Variants in AGBL4 observed in about 807,000 individuals in gnomAD.
AGBL4 encodes the protein cytosolic carboxypeptidase 6.
In AGBL4, 58 loss-of-function variants were observed where a neutral mutation model predicts 66.4. The observed-to-expected ratio is 0.87, with a 90% CI of 0.71 to 1.09. The LOEUF is 1.09. Among genes scored for constraint, AGBL4 ranks in the 50% least tolerant of loss-of-function variants. The pLI, the probability that AGBL4 is intolerant of heterozygous loss-of-function variation, is 0.00. For synonymous variants in AGBL4, 234 were observed against 222.9 expected (o/e 1.05, Z -0.44); for missense variants, 579 against 631.0 (o/e 0.92, Z 0.88).
At chr1:49,739,477 C>T (rs1390514200) in intron 2 of AGBL4, among the ~76,000 whole-genome samples, 1 of 152,202 alleles carries the variant, frequency 6.6e-6, no homozygotes, top group Non-Finnish European at 1.5e-5. Flanking sequence ...TTGGAAAACA[C>T]TCTGCAGGAT....
chr1:49,149,170 T>C (rs773163223), intron 4 of AGBL4, among the ~76,000 whole-genome samples: 9 of 152,218 alleles, frequency 5.9e-5, no homozygotes, highest in African/African-American at 1.2e-4. Flanking sequence ...TATCCTCTTC[T>C]GCTAAGTAGT....
At chr1:49,691,350 T>C (rs1646882477) in intron 3 of AGBL4, 2 of 152,928 alleles carry the variant, frequency 1.3e-5, no homozygotes, top group Admixed American at 1.3e-4. Flanking sequence ...GGGCTAGCAC[T>C]TGTCCACCAT....
At chr1:49,494,797 A>G (rs887681542) in intron 3 of AGBL4, among the ~76,000 whole-genome samples, 3 of 151,820 alleles carry the variant, frequency 2.0e-5, no homozygotes, top group Admixed American at 6.6e-5. Flanking sequence ...CCCAGTAATG[A>G]GATGGCTGGG....
intron 12 of AGBL4, among the ~76,000 whole-genome samples, chr1:48,537,042 T>G (rs940588736): frequency 7.2e-5 from 11 of 152,228 alleles, no homozygotes; most frequent in South Asian, 2.1e-4. Flanking sequence ...AAACAAAGAT[T>G]AGTTTTGAGT....
intron 6 of AGBL4, among the ~76,000 whole-genome samples, chr1:48,798,111 C>T (rs916564254): frequency 2.6e-5 from 4 of 152,066 alleles, no homozygotes; most frequent in South Asian, 2.1e-4. Flanking sequence ...TAAAAGTGTC[C>T]TCTTTTTACC....
chr1:49,241,777 A>G (rs1651260416), intron 4 of AGBL4, among the ~76,000 whole-genome samples: 1 of 152,070 alleles, frequency 6.6e-6, no homozygotes, highest in Non-Finnish European at 1.5e-5. Context: ...GAAAGGAGAA[A>G]AACAGGACAT....
chr1:49,078,331 C>G (rs1311821842), intron 4 of AGBL4, among the ~76,000 whole-genome samples: 1 of 152,146 alleles, frequency 6.6e-6, no homozygotes, highest in Non-Finnish European at 1.5e-5. Flanking sequence ...TCACGTTGCA[C>G]ATTTCCCATG....
At chr1:49,106,462 T>C (rs1361838801) in intron 4 of AGBL4, among the ~76,000 whole-genome samples, 2 of 152,318 alleles carry the variant, frequency 1.3e-5, no homozygotes, top group African/African-American at 2.4e-5. Flanking sequence ...ACTGCTTGGA[T>C]GGCTACTGAA....
the AGBL4 span, among the ~76,000 whole-genome samples, chr1:48,524,089 G>A: frequency 1.4e-3 from 207 of 152,302 alleles, 3 homozygotes; most frequent in East Asian, 0.038. Flanking sequence ...TTTCACAGCT[G>A]TGTGCCCTTC....
intron 3 of AGBL4, among the ~76,000 whole-genome samples, chr1:49,488,213 C>T (rs1003230046): frequency 6.6e-5 from 10 of 151,562 alleles, no homozygotes; most frequent in African/African-American, 2.4e-4. Context: ...ATCACCTCTC[C>T]CCAGAAAACC....
At chr1:48,678,564 C>G (rs1271588903) in intron 6 of AGBL4, among the ~76,000 whole-genome samples, 1 of 152,184 alleles carries the variant, frequency 6.6e-6, no homozygotes, top group African/African-American at 2.4e-5. Flanking sequence ...CACACATGCC[C>G]TCTTTTGGCA....
At chr1:49,716,384 G>A (rs552122557) in intron 2 of AGBL4, among the ~76,000 whole-genome samples, 11 of 152,192 alleles carry the variant, frequency 7.2e-5, no homozygotes, top group South Asian at 4.1e-4. Flanking sequence ...GTCAGGTAGC[G>A]TGGTGCCTCC....
chr1:49,887,618 C>T (rs545754746), intron 1 of AGBL4, among the ~76,000 whole-genome samples: 1 of 151,830 alleles, frequency 6.6e-6, no homozygotes, highest in African/African-American at 2.4e-5. Context: ...ATAGAAAGAC[C>T]CTTCTGGCAG....
chr1:49,710,791 G>A (rs1647605149), intron 2 of AGBL4, among the ~76,000 whole-genome samples: 1 of 151,638 alleles, frequency 6.6e-6, no homozygotes, highest in Non-Finnish European at 1.5e-5. Flanking sequence ...GCAGTATTAA[G>A]AAATGAAAAA....
At chr1:49,982,022 A>C (rs1211354124) in intron 1 of AGBL4, among the ~76,000 whole-genome samples, 1 of 152,246 alleles carries the variant, frequency 6.6e-6, no homozygotes, top group African/African-American at 2.4e-5. Flanking sequence ...TGTTTAGTGA[A>C]TATCACTGTT....
intron 3 of AGBL4, among the ~76,000 whole-genome samples, chr1:49,659,435 A>G (rs1234801642): frequency 1.3e-5 from 2 of 152,148 alleles, no homozygotes; most frequent in Non-Finnish European, 2.9e-5. Context: ...TGCAGGCTCA[A>G]AATAAAGGGA....
intron 3 of AGBL4, among the ~76,000 whole-genome samples, chr1:49,661,969 C>A (rs1646277656): frequency 6.6e-6 from 1 of 151,948 alleles, no homozygotes; most frequent in Non-Finnish European, 1.5e-5. Context: ...CATGCAATTA[C>A]ATTAGCTGGC....
chr1:49,697,153 G>T, intron 3 of AGBL4, 160 bp downstream of exon 3: 1 of 691,268 alleles, frequency 1.4e-6, no homozygotes, highest in Non-Finnish European at 2.2e-6. Flanking sequence ...TCAACATATT[G>T]TATCTATTTC....
chr1:49,676,075 G>C (rs1646572991), intron 3 of AGBL4, among the ~76,000 whole-genome samples: 1 of 151,948 alleles, frequency 6.6e-6, no homozygotes, highest in African/African-American at 2.4e-5. Flanking sequence ...AGGATGCTAA[G>C]GATTATTATT....
Sources: gnomAD v4.1 joint callset for allele counts (sites outside exome capture counted in the v4.1 genomes callset) on GRCh38, gnomAD v4.1.1 for gene constraint, MANE v1.5 for transcripts, NCBI Gene and HGNC (gene_info 2026-07-23, HGNC 2026-07-21) for gene names.